Variants in COL5A2 observed in about 807,000 individuals in gnomAD.
The protein encoded by COL5A2 is collagen alpha-2(V) chain.
COL5A2 carries 23 observed loss-of-function variants against 208.2 expected under a neutral mutation model. The ratio of observed to expected loss-of-function variants is 0.11; its 90% CI spans 0.08 to 0.16. The LOEUF (loss-of-function observed/expected upper bound fraction) is 0.16, where lower values mean the gene tolerates loss of function less well. Ranked by LOEUF, COL5A2 falls within the 10% of genes least tolerant of loss-of-function variation. The pLI is 1.00. For synonymous variants in COL5A2, 625 were observed against 628.5 expected, an observed-to-expected ratio of 0.99 and a Z score of 0.08; for missense variants, 1,590 against 1,956.4, an observed-to-expected ratio of 0.81 and a Z score of 3.53.
At chr2:189,182,214 G>A (rs538038022), upstream of COL5A2, among the ~76,000 whole-genome samples, 2 of 152,288 alleles carry the variant, frequency 1.3e-5, no homozygotes, top group East Asian at 3.9e-4. Context: ...CCTCACTGCT[G>A]CAGTGGGGTA....
chr2:189,211,730 A>AG (rs1051764743), intron 1 of COL5A2, among the ~76,000 whole-genome samples: 33 of 152,300 alleles, frequency 2.2e-4, no homozygotes, highest in Admixed American at 5.9e-4. Context: ...GAAAATACTC[A>AG]GGGGGGAGGG....
At chr2:189,378,551 C>T in the COL5A2 span, among the ~76,000 whole-genome samples, 3 of 152,008 alleles carry the variant, frequency 2.0e-5, no homozygotes, top group East Asian at 1.9e-4. Context: ...GGTGAAACCC[C>T]GTCTCTACTA....
chr2:189,063,669 A>C (rs10931392), intron 26 of COL5A2, among the ~76,000 whole-genome samples: 22,701 of 152,192 alleles, frequency 0.15, 1,678 homozygotes, highest in Middle Eastern at 0.2. Flanking sequence ...ATAAAATTAG[A>C]AGGATATAAA....
At chr2:189,375,727 A>G in the COL5A2 span, among the ~76,000 whole-genome samples, 2 of 152,260 alleles carry the variant, frequency 1.3e-5, no homozygotes, top group Non-Finnish European at 2.9e-5. Context: ...ATACAACTTA[A>G]TAAAAATAAT....
At chr2:189,132,643 G>A (rs1687738283) in intron 1 of COL5A2, among the ~76,000 whole-genome samples, 1 of 152,124 alleles carries the variant, frequency 6.6e-6, no homozygotes. Context: ...AAAACAGGCT[G>A]GGTTCAGTAG....
At position 189,079,993 on chromosome 2, in the gene COL5A2, T is replaced by C; in HGVS notation, c.945A>G (p.Gly315=). The change falls in exon 14 of 54, where the codon GGA becomes GGG. Residue 315 remains glycine, a synonymous_variant. Coordinates refer to ENST00000374866, the MANE Select transcript of COL5A2 (RefSeq NM_000393.5). ...KGLEGPKGEV[G]APGSKGEAGP... is the part of the protein sequence containing the mutation. Reference sequence around the variant, plus strand: ...ATAAGATTACCTTGGAACCAGGTGCTCCAACTTCACCTTTAGGGCCTTCAA... The same window carrying C: ...ATAAGATTACCTTGGAACCAGGTGCCCCAACTTCACCTTTAGGGCCTTCAA... 1.9e-6 allele frequency: 3 copies of C among 1,612,942 alleles called. No individual in the cohort carries two copies. The highest frequency in any genetic ancestry group is 2.2e-5 in the South Asian group (2 of 91,050).
the COL5A2 span, among the ~76,000 whole-genome samples, chr2:189,407,014 CT>C: frequency 6.6e-6 from 1 of 152,028 alleles, no homozygotes; most frequent in Non-Finnish European, 1.5e-5. Flanking sequence ...ATTCAAATAT[CT>C]ATTTAACATG....
At chr2:189,416,830 C>T in the COL5A2 span, among the ~76,000 whole-genome samples, 1 of 152,114 alleles carries the variant, frequency 6.6e-6, no homozygotes, top group Non-Finnish European at 1.5e-5. Flanking sequence ...ATTTGTAGCC[C>T]ACTGAATTTG....
At chr2:189,257,634 T>A in the COL5A2 span, among the ~76,000 whole-genome samples, 5 of 152,164 alleles carry the variant, frequency 3.3e-5, no homozygotes, top group Non-Finnish European at 7.4e-5. Flanking sequence ...ATGTGTGATA[T>A]GCAGGGAAAT....
chr2:189,321,322 A>C, the COL5A2 span, among the ~76,000 whole-genome samples: 1 of 152,198 alleles, frequency 6.6e-6, no homozygotes, highest in African/African-American at 2.4e-5. Context: ...AACAATATTA[A>C]CTGTAAATGT....
At chr2:189,371,717 G>A in the COL5A2 span, among the ~76,000 whole-genome samples, 5 of 152,166 alleles carry the variant, frequency 3.3e-5, no homozygotes, top group African/African-American at 1.2e-4. Context: ...GCTTCTAATA[G>A]CCTAAAATCA....
At chr2:189,058,708 A>T (rs12989558) in intron 32 of COL5A2, 141 bp downstream of exon 32, 1 of 927,080 alleles carries the variant, frequency 1.1e-6, no homozygotes, top group Non-Finnish European at 1.7e-6. Flanking sequence ...TCATAGCACA[A>T]AATATTTCTC....
At chr2:189,435,132 G>T in the COL5A2 span, among the ~76,000 whole-genome samples, 2 of 152,258 alleles carry the variant, frequency 1.3e-5, no homozygotes, top group East Asian at 3.9e-4. Context: ...TATGTAGAAA[G>T]CTGAAACTGG....
intron 41 of COL5A2, 43 bp downstream of exon 41, chr2:189,052,129 A>G (rs1260651635): frequency 1.3e-6 from 2 of 1,523,412 alleles, no homozygotes; most frequent in Admixed American, 3.4e-5. Flanking sequence ...GTGTGTGTGT[A>G]ATTATTTCAT....
chr2:189,061,913 A>T (rs1186377061), intron 29 of COL5A2, among the ~76,000 whole-genome samples: 1 of 152,186 alleles, frequency 6.6e-6, no homozygotes, highest in African/African-American at 2.4e-5. Flanking sequence ...AATATAGGAA[A>T]ACCCATTACT....
At chr2:189,302,554 C>A in the COL5A2 span, among the ~76,000 whole-genome samples, 1 of 152,130 alleles carries the variant, frequency 6.6e-6, no homozygotes, top group Non-Finnish European at 1.5e-5. Context: ...AAAATAATAT[C>A]TTAGAATTAC....
At chr2:189,107,456 T>C (rs1687173594) in intron 2 of COL5A2, among the ~76,000 whole-genome samples, 1 of 151,504 alleles carries the variant, frequency 6.6e-6, no homozygotes, top group South Asian at 2.1e-4. Context: ...ATCTTTTGGT[T>C]GGGTTTTTAT....
At chr2:189,066,319 C>T (rs997409269) in intron 23 of COL5A2, 71 bp downstream of exon 23, 6 of 1,375,878 alleles carry the variant, frequency 4.4e-6, no homozygotes, top group South Asian at 3.5e-5. Flanking sequence ...TCTAGTTTTC[C>T]TTACTGTTCT....
At chr2:189,311,704 G>A in the COL5A2 span, 1 of 754,000 alleles carries the variant, frequency 1.3e-6, no homozygotes. Context: ...TGGACTGCAT[G>A]GTGACCACTG....
Sources: gnomAD v4.1 joint callset for allele counts (sites outside exome capture counted in the v4.1 genomes callset) on GRCh38, gnomAD v4.1.1 for gene constraint, MANE v1.5 for transcripts, NCBI Gene and HGNC (gene_info 2026-07-23, HGNC 2026-07-21) for gene names.